The following PIK3R1 variants were observed in gnomAD, a reference collection of about 807,000 sequenced individuals.
The protein encoded by PIK3R1 is phosphoinositide-3-kinase regulatory subunit 1.
A neutral mutation model predicts 98.0 loss-of-function variants in PIK3R1; 29 were observed. That is an observed-to-expected ratio of 0.30 (90% CI 0.22 to 0.40). PIK3R1 has a LOEUF of 0.40. PIK3R1 is among the 10% of genes least tolerant of loss of function. PIK3R1 has a pLI of 1.00. For missense variants in PIK3R1, 596 were observed against 872.7 expected, an observed-to-expected ratio of 0.68 and a Z score of 3.99; for synonymous variants, 282 against 311.8, an observed-to-expected ratio of 0.90 and a Z score of 1.01.
intron 2 of PIK3R1, among the ~76,000 whole-genome samples, chr5:68,260,506 GA>G (rs1398614895): frequency 2.6e-5 from 4 of 151,922 alleles, no homozygotes; most frequent in Admixed American, 1.3e-4. Flanking sequence ...GAAAAGAGGA[GA>G]AAAAAAATCA....
At chr5:68,228,912 C>T (rs1448184489) in intron 2 of PIK3R1, among the ~76,000 whole-genome samples, 3 of 152,092 alleles carry the variant, frequency 2.0e-5, no homozygotes, top group Non-Finnish European at 2.9e-5. Flanking sequence ...CTTTTTATAT[C>T]CTAAACTATT....
intron 7 of PIK3R1, chr5:68,290,920 A>G (rs569324657): frequency 2.4e-6 from 2 of 838,562 alleles, no homozygotes; most frequent in East Asian, 2.7e-5. Context: ...TCCTTTTTGG[A>G]TTTCTGTTTT....
intron 2 of PIK3R1, among the ~76,000 whole-genome samples, chr5:68,236,778 T>C (rs1336580154): frequency 6.6e-6 from 1 of 152,196 alleles, no homozygotes; most frequent in Non-Finnish European, 1.5e-5. Flanking sequence ...ATCTGTTAGG[T>C]TTCACTAGCT....
At position 68,298,438 on chromosome 5, in the gene PIK3R1, T is replaced by C; in HGVS notation, c.*837T>C. Reference sequence around the variant, plus strand: ...TTCTTAATTTTCATTAAGTTGTTATTTCAGTTTTAAATGTACCTTCAGAAT... The same window carrying C: ...TTCTTAATTTTCATTAAGTTGTTATCTCAGTTTTAAATGTACCTTCAGAAT... On this transcript the variant is annotated 3_prime_UTR_variant, in exon 16 of 16. Coordinates refer to ENST00000521381, the MANE Select transcript of PIK3R1 (RefSeq NM_181523.3). 1 of 233,410 alleles carries C rather than the reference T, an allele frequency of 4.3e-6. No individual in the cohort carries two copies. The highest frequency in any genetic ancestry group is 8.5e-6 in the Non-Finnish European group (1 of 117,886). 14.5% of individuals were successfully genotyped at this position (233,410 alleles called of 1,614,324 possible).
chr5:68,268,962 C>T (rs1371382877), intron 2 of PIK3R1, among the ~76,000 whole-genome samples: 6 of 152,220 alleles, frequency 3.9e-5, no homozygotes, highest in East Asian at 1.9e-4. Flanking sequence ...TTTTTCTATT[C>T]CATGTGATTG....
intron 7 of PIK3R1, chr5:68,288,834 T>TGC (rs1747220950): frequency 5.7e-6 from 8 of 1,407,730 alleles, no homozygotes; most frequent in Non-Finnish European, 8.1e-6. Flanking sequence ...TACGTGTGTG[T>TGC]GCGTGCGCCC....
At chr5:68,261,524 GA>G (rs1327226582) in intron 2 of PIK3R1, among the ~76,000 whole-genome samples, 6 of 151,786 alleles carry the variant, frequency 4.0e-5, no homozygotes, top group Non-Finnish European at 5.9e-5. Context: ...GTCACAGAAA[GA>G]AAGCAATTGT....
At chr5:68,262,571 A>G (rs534443700) in intron 2 of PIK3R1, among the ~76,000 whole-genome samples, 2 of 146,942 alleles carry the variant, frequency 1.4e-5, no homozygotes, top group East Asian at 4.0e-4. Context: ...ATACACATGT[A>G]CCTACATGTA....
intron 2 of PIK3R1, among the ~76,000 whole-genome samples, chr5:68,269,942 A>T (rs1397155931): frequency 6.6e-6 from 1 of 152,136 alleles, no homozygotes; most frequent in Non-Finnish European, 1.5e-5. Flanking sequence ...CAAAATCCTG[A>T]TCAGCTATGA....
intron 8 of PIK3R1, chr5:68,292,568 A>G: frequency 6.7e-7 from 1 of 1,495,582 alleles, no homozygotes; most frequent in South Asian, 1.2e-5. Context: ...GGGAAGTTTC[A>G]TTATTGACAG....
At chr5:68,275,356 A>G (rs976675272) in intron 4 of PIK3R1, among the ~76,000 whole-genome samples, 4 of 152,152 alleles carry the variant, frequency 2.6e-5, no homozygotes, top group African/African-American at 9.7e-5. Flanking sequence ...TCCTTAGCCA[A>G]TTGAAATGAA....
chr5:68,229,665 G>T (rs1344766259), intron 2 of PIK3R1, among the ~76,000 whole-genome samples: 1 of 152,120 alleles, frequency 6.6e-6, no homozygotes, highest in Non-Finnish European at 1.5e-5. Flanking sequence ...GAGCCTTGCT[G>T]CCCTCTCTGT....
chr5:68,276,927 C>T (rs1746594060), intron 4 of PIK3R1, among the ~76,000 whole-genome samples: 1 of 152,144 alleles, frequency 6.6e-6, no homozygotes, highest in Non-Finnish European at 1.5e-5. Context: ...ACAGTCCCTG[C>T]CCTTGACGTA....
rs766076215 is a variant in PIK3R1, at chr5:68,292,291, G to A, written c.949G>A (p.Val317Ile). The A allele has an allele frequency of 4.3e-6, 7 of 1,613,506 alleles. No individual in the cohort carries two copies. The highest frequency in any genetic ancestry group is 5.9e-6 in the Non-Finnish European group (7 of 1,179,652). The change falls in exon 8 of 16, where the codon GTA becomes ATA. Residue 317 changes from valine to isoleucine, a missense_variant. This residue lies in a region of PIK3R1 where 352 missense variants were observed against 393.3 expected (regional missense o/e 0.90). Transcript: ENST00000521381. ...LPPKPPKPTT[V>I]ANNGMNNNMS... The stretch of plus-strand genomic sequence containing the variant: ...TCCTAAACCACCAAAACCTACTACT[G>A]TAGCCAACAACGGTATGAATAACAA...
intron 2 of PIK3R1, among the ~76,000 whole-genome samples, chr5:68,233,919 T>G (rs7707370): frequency 2.6e-5 from 4 of 151,288 alleles, no homozygotes; most frequent in African/African-American, 9.7e-5. Context: ...TATTTGTATT[T>G]GTCTGTCTAT....
chr5:68,219,581 C>T lies in PIK3R1; in HGVS notation c.-387+3632C>T, dbSNP rs568200046. On this transcript the variant is annotated intron_variant, in intron 1 of 15. Transcript: ENST00000521381. The stretch of plus-strand genomic sequence containing the variant: ...CATCCCTTGGCCTCTCCCAGGCCTC[C>T]TTTGTCCTGACCTCTGTAGAGCCGT... 2.0e-5 allele frequency among the ~76,000 whole-genome samples: 3 copies of T among 152,344 alleles called. No individual in the cohort carries two copies. The South Asian group carries it at 6.2e-4, about 32-fold the overall frequency.
At chr5:68,281,134 C>A (rs928242160) in intron 7 of PIK3R1, 128 bp downstream of exon 7, 47 of 619,598 alleles carry the variant, frequency 7.6e-5, no homozygotes, top group African/African-American at 7.0e-4. Flanking sequence ...TAATATGTTA[C>A]CTTGTGATTT....
chr5:68,282,544 T>C (rs1190531978), intron 7 of PIK3R1, among the ~76,000 whole-genome samples: 1 of 152,234 alleles, frequency 6.6e-6, no homozygotes, highest in Non-Finnish European at 1.5e-5. Context: ...GAATTTCTAC[T>C]ACACAAGGTA....
intron 2 of PIK3R1, among the ~76,000 whole-genome samples, chr5:68,250,578 A>G (rs1823023): frequency 0.65 from 99,433 of 152,128 alleles, 33,485 homozygotes; most frequent in African/African-American, 0.8. Flanking sequence ...GTCATTGCCA[A>G]TGTAGTCATG....
Sources: allele counts gnomAD v4.1 joint callset (sites outside exome capture counted in the v4.1 genomes callset), GRCh38; gene constraint gnomAD v4.1.1; regional missense constraint gnomAD v4.1.1; transcripts MANE v1.5; gene names NCBI Gene and HGNC (gene_info 2026-07-23, HGNC 2026-07-21).